The following MIX23 variants were observed in gnomAD, a reference collection of about 807,000 sequenced individuals.
The protein encoded by MIX23 is mitochondrial matrix import factor 23.
A neutral mutation model predicts 21.6 loss-of-function variants in MIX23; 13 were observed. The observed-to-expected ratio is 0.60, with a 90% CI of 0.39 to 0.96. MIX23 has a LOEUF of 0.96. MIX23 is among the 40% of genes least tolerant of loss of function. The probability of loss-of-function intolerance (pLI) is 0.00; values close to 1 mark genes in which losing one functional copy is unlikely to be tolerated. For missense variants in MIX23, 144 were observed against 171.2 expected (o/e 0.84, Z 0.89); for synonymous variants, 59 against 58.0 (o/e 1.02, Z -0.08).
intron 1 of MIX23, among the ~76,000 whole-genome samples, chr3:122,381,741 AAAAAG>A (rs1299540866): frequency 6.6e-6 from 1 of 152,062 alleles, no homozygotes; most frequent in African/African-American, 2.4e-5. Context: ...AAAAAAAAAA[AAAAAG>A]AAGAGGAGGA....
chr3:122,364,817 T>A (rs895651867), intron 3 of MIX23, among the ~76,000 whole-genome samples: 1 of 152,136 alleles, frequency 6.6e-6, no homozygotes, highest in Admixed American at 6.5e-5. Context: ...TGCTAGCTCT[T>A]ACTTACATCC....
In MIX23 at chr3:122,359,690, A is replaced by G. The variant is rs936288719; in HGVS notation, c.*179T>C. Reference sequence around the variant, plus strand: ...AGCAGTTGATTTCTCCATAATTATCAGAATTATTTATACTTGAGGTCTTGG... The same window carrying G: ...AGCAGTTGATTTCTCCATAATTATCGGAATTATTTATACTTGAGGTCTTGG... On this transcript the variant is annotated 3_prime_UTR_variant, in exon 5 of 5. Coordinates refer to ENST00000291458, the MANE Select transcript of MIX23 (RefSeq NM_001017928.4). The G allele has an allele frequency of 1.4e-5, 6 of 420,128 alleles. No homozygotes were observed. Among genetic ancestry groups the G allele is most frequent in the Non-Finnish European group, 2.4e-5 (6 of 248,832 alleles). The allele number at this position is 420,128 out of a possible 1,614,324, so 26.0% of individuals were successfully genotyped here.
intron 1 of MIX23, among the ~76,000 whole-genome samples, chr3:122,375,570 G>A (rs1260056359): frequency 6.6e-6 from 1 of 152,204 alleles, no homozygotes; most frequent in Non-Finnish European, 1.5e-5. Flanking sequence ...TGAAACAAGA[G>A]TAGCCATGAA....
chr3:122,372,488 G>GAACAAC (rs912845080), intron 1 of MIX23, among the ~76,000 whole-genome samples: 3 of 151,752 alleles, frequency 2.0e-5, no homozygotes, highest in African/African-American at 7.3e-5. Context: ...ACAAGAACAA[G>GAACAAC]AACAACAACA....
chr3:122,360,741 TA>T (rs1300588390), intron 4 of MIX23, among the ~76,000 whole-genome samples: 3 of 151,196 alleles, frequency 2.0e-5, no homozygotes, highest in Non-Finnish European at 3.0e-5. Flanking sequence ...CTTTTTAGGT[TA>T]AAAAAAAACA....
Position 122,367,961 on chromosome 3 carries a change from G to A in MIX23, c.324+215C>T, listed in dbSNP as rs937951827. On this transcript the variant is annotated intron_variant, in intron 3 of 4. Coordinates refer to ENST00000291458, the MANE Select transcript of MIX23 (RefSeq NM_001017928.4). ...GACTGTGCTTATTTTAGACAAAGCT[G>A]CTATGCTGCATTTGTTCAAGAAGTG... The A allele has an allele frequency of 1.1e-5, 6 of 549,110 alleles. No homozygotes were observed. The African/African-American group carries it at 1.1e-4, about 10-fold the overall frequency. The allele number at this position is 549,110 out of a possible 1,614,324, so 34.0% of individuals were successfully genotyped here. A position where few individuals can be genotyped will look rare whatever the true frequency, so the allele number is the denominator to read the frequency against.
At chr3:122,364,876 T>A (rs2075385653) in intron 3 of MIX23, among the ~76,000 whole-genome samples, 1 of 152,184 alleles carries the variant, frequency 6.6e-6, no homozygotes, top group Admixed American at 6.5e-5. Context: ...TTATTAGGTA[T>A]CAACTCCATT....
rs370933142 is a variant in MIX23, at chr3:122,359,908, T to C, written c.396A>G (p.Glu132=). The C allele has an allele frequency of 1.1e-5, 17 of 1,579,462 alleles. No individual in the cohort carries two copies. The highest frequency in any genetic ancestry group is 1.3e-5 in the Non-Finnish European group (15 of 1,168,126). The change falls in exon 5 of 5, where the codon GAA becomes GAG. Residue 132 remains glutamate, a synonymous_variant. Coordinates refer to ENST00000291458, the MANE Select transcript of MIX23 (RefSeq NM_001017928.4). ...GAGGCTTGAAGTGAATTCGGCAGCG[T>C]TCATTAAACACCTAAAATATTGAAA... is the stretch of plus-strand genomic sequence containing the variant. ...VNDRSWKVFN[E]RCRIHFKPPK... is the part of the protein sequence containing the mutation.
At chr3:122,363,128 A>C in intron 3 of MIX23, 101 bp from the exon 4 acceptor site, 1 of 899,630 alleles carries the variant, frequency 1.1e-6, no homozygotes, top group Non-Finnish European at 1.7e-6. Context: ...ATGTTTACCC[A>C]ACAAAACCTG....
chr3:122,381,717 C>CAAAAA, intron 1 of MIX23, among the ~76,000 whole-genome samples: 1 of 94,834 alleles, frequency 1.1e-5, no homozygotes, highest in Non-Finnish European at 2.1e-5. Context: ...GACTCTGTCT[C>CAAAAA]AAAAAAAAAA....
intron 3 of MIX23, among the ~76,000 whole-genome samples, chr3:122,364,244 T>C (rs185494636): frequency 7.9e-5 from 12 of 152,202 alleles, no homozygotes; most frequent in Non-Finnish European, 2.9e-5. Context: ...GGCCTGTACA[T>C]ATGGCTAGAA....
chr3:122,371,745 G>A lies in MIX23; in HGVS notation c.107C>T (p.Thr36Ile), dbSNP rs533391720. The A allele has an allele frequency of 3.8e-5, 61 of 1,611,152 alleles. No homozygotes were observed. In the South Asian group the frequency reaches 3.8e-4, roughly 10 times the overall value. ...IDDRIVHELNTTVPTASFAGK... is the reference protein window; with the variant it reads ...IDDRIVHELNITVPTASFAGK... ...TGCAAAGGAAGCTGTTGGAACCGTA[G>A]TGTTTAATTCATGTACTATTCTGTC... The change falls in exon 2 of 5, where the codon ACT becomes ATT. Residue 36 changes from threonine (T) to isoleucine (I), a missense_variant. Transcript: ENST00000291458.
chr3:122,363,959 G>A (rs766071934), intron 3 of MIX23, among the ~76,000 whole-genome samples: 8 of 152,080 alleles, frequency 5.3e-5, no homozygotes, highest in Non-Finnish European at 1.2e-4. Context: ...ATGAACTATA[G>A]GTTGATGCCA....
At chr3:122,374,400 C>T (rs2075467035) in intron 1 of MIX23, among the ~76,000 whole-genome samples, 1 of 152,178 alleles carries the variant, frequency 6.6e-6, no homozygotes, top group Non-Finnish European at 1.5e-5. Flanking sequence ...TCCAAGGATG[C>T]TCAAGTCCCT....
At chr3:122,375,014 AGC>A (rs998556533) in intron 1 of MIX23, among the ~76,000 whole-genome samples, 4 of 152,182 alleles carry the variant, frequency 2.6e-5, no homozygotes, top group African/African-American at 9.6e-5. Flanking sequence ...CTGTAATCCC[AGC>A]AATTTGAGAG....
At chr3:122,372,224 C>CAAAA (rs55800173) in intron 1 of MIX23, among the ~76,000 whole-genome samples, 687 of 45,908 alleles carry the variant, frequency 0.015, 22 homozygotes, top group African/African-American at 0.059. Context: ...CTCCAACTCT[C>CAAAA]AAAAAAAAAA....
chr3:122,382,464 C>T (rs1448777288), intron 1 of MIX23, among the ~76,000 whole-genome samples: 1 of 152,146 alleles, frequency 6.6e-6, no homozygotes, highest in African/African-American at 2.4e-5. Flanking sequence ...GTTAATAATG[C>T]AATACATATT....
At chr3:122,361,344 TC>T (rs376186855) in intron 4 of MIX23, among the ~76,000 whole-genome samples, 229 of 152,316 alleles carry the variant, frequency 1.5e-3, no homozygotes, top group African/African-American at 5.2e-3. Context: ...CCCTGACATT[TC>T]CCTGAAATTC....
intron 2 of MIX23, 121 bp from the exon 3 acceptor site, chr3:122,368,443 G>T: frequency 1.0e-6 from 1 of 968,396 alleles, no homozygotes; most frequent in East Asian, 2.7e-5. Context: ...AATTTCTGAC[G>T]ACTGAAACCA....
Sources: gnomAD v4.1 joint callset for allele counts (sites outside exome capture counted in the v4.1 genomes callset) on GRCh38, gnomAD v4.1.1 for gene constraint, MANE v1.5 for transcripts, NCBI Gene and HGNC (gene_info 2026-07-23, HGNC 2026-07-21) for gene names.